The following ZNF385D variants were observed in gnomAD, a reference collection of about 807,000 sequenced individuals.
ZNF385D encodes the protein zinc finger protein 659.
Under a neutral mutation model 35.8 loss-of-function variants are expected in ZNF385D, and 15 were observed. The ratio of observed to expected loss-of-function variants is 0.42; its 90% confidence interval spans 0.28 to 0.64. The LOEUF (loss-of-function observed/expected upper bound fraction) is 0.64. ZNF385D is among the 30% of genes least tolerant of loss of function. The pLI, the probability that ZNF385D is intolerant of heterozygous loss-of-function variation, is 0.23. For missense variants in ZNF385D, 474 were observed against 494.6 expected (o/e 0.96, Z 0.39); for synonymous variants, 212 against 186.8 (o/e 1.13, Z -1.10).
At chr3:21,829,290 A>G (rs1009516158) in intron 3 of ZNF385D, among the ~76,000 whole-genome samples, 1 of 152,200 alleles carries the variant, frequency 6.6e-6, no homozygotes, top group African/African-American at 2.4e-5. Context: ...AGAGGTGGCC[A>G]GAAAAAGTCT....
At chr3:21,912,617 G>A (rs145893571) in intron 3 of ZNF385D, among the ~76,000 whole-genome samples, 26 of 152,142 alleles carry the variant, frequency 1.7e-4, no homozygotes, top group Non-Finnish European at 3.4e-4. Flanking sequence ...TTGTGCATCA[G>A]TAGGAAATAC....
chr3:22,113,412 C>G (rs755320475), intron 3 of ZNF385D, among the ~76,000 whole-genome samples: 1 of 151,908 alleles, frequency 6.6e-6, no homozygotes, highest in Non-Finnish European at 1.5e-5. Flanking sequence ...TTCATTTTTT[C>G]TTATTTAAGG....
rs148361398 is a variant in ZNF385D at position 22,019,713 on chromosome 3, A to G, written c.325+149104T>C. 5.6e-3 allele frequency among the ~76,000 whole-genome samples: 846 copies of G among 152,050 alleles called. 8 individuals are homozygous for G. Among genetic ancestry groups the G allele is most frequent in the African/African-American group, 0.019 (774 of 41,520 alleles). ...TGGTTAACCATTTTGGAGACTCTAC[A>G]TTTATGCTTAGATGTATGCCCTCTA... On this transcript the variant is annotated intron_variant, in intron 3 of 5. Transcript: ENST00000494108.
chr3:21,716,156 C>T (rs1218440569), intron 1 of ZNF385D, among the ~76,000 whole-genome samples: 2 of 152,168 alleles, frequency 1.3e-5, no homozygotes, highest in Non-Finnish European at 2.9e-5. Context: ...CACTCTTATA[C>T]GTGGCACCAT....
intron 4 of ZNF385D, among the ~76,000 whole-genome samples, chr3:21,494,871 C>T (rs1705706745): frequency 6.6e-6 from 1 of 152,224 alleles, no homozygotes; most frequent in Middle Eastern, 3.4e-3. Context: ...ATTACATACC[C>T]TTGACATTAA....
intron 3 of ZNF385D, among the ~76,000 whole-genome samples, chr3:21,537,075 AAAATT>A (rs1196160177): frequency 2.0e-5 from 3 of 152,058 alleles, no homozygotes; most frequent in Non-Finnish European, 4.4e-5. Flanking sequence ...TATAGCTTAA[AAAATT>A]AAAATCAATG....
At chr3:22,112,713 A>T (rs1702597287) in intron 3 of ZNF385D, among the ~76,000 whole-genome samples, 1 of 152,136 alleles carries the variant, frequency 6.6e-6, no homozygotes. Flanking sequence ...CTACACATAG[A>T]AGATGAAGAG....
At chr3:21,864,103 ATTCAGTTTGT>A (rs1452874699) in intron 3 of ZNF385D, among the ~76,000 whole-genome samples, 1 of 151,912 alleles carries the variant, frequency 6.6e-6, no homozygotes, top group Non-Finnish European at 1.5e-5. Context: ...ATAGTTGTGT[ATTCAGTTTGT>A]TTTTGTGTGT....
chr3:21,578,364 G>T (rs2063554890), intron 2 of ZNF385D, among the ~76,000 whole-genome samples: 1 of 151,946 alleles, frequency 6.6e-6, no homozygotes. Flanking sequence ...TGCCTTTGTT[G>T]ACTGTACTTT....
chr3:21,911,078 T>C (rs113201728), intron 3 of ZNF385D, among the ~76,000 whole-genome samples: 2 of 151,938 alleles, frequency 1.3e-5, no homozygotes, highest in Non-Finnish European at 2.9e-5. Flanking sequence ...TATCTATGTG[T>C]TTTTAAAATG....
chr3:21,652,156 G>A (rs912193257), intron 2 of ZNF385D, among the ~76,000 whole-genome samples: 3 of 152,240 alleles, frequency 2.0e-5, no homozygotes, highest in East Asian at 3.9e-4. Context: ...TTCAGGAGTA[G>A]GTTGCCAATC....
chr3:22,224,678 C>A (rs1173364966), intron 2 of ZNF385D, among the ~76,000 whole-genome samples: 1 of 152,132 alleles, frequency 6.6e-6, no homozygotes, highest in African/African-American at 2.4e-5. Context: ...CAGGTTATTG[C>A]AAGATCCAAC....
At chr3:21,785,239 T>C (rs1018820433) in intron 3 of ZNF385D, among the ~76,000 whole-genome samples, 13 of 152,194 alleles carry the variant, frequency 8.5e-5, no homozygotes, top group African/African-American at 1.2e-4. Flanking sequence ...TCTAGCTTTA[T>C]TGAGGAATAA....
chr3:21,845,667 C>T (rs1486537956), intron 3 of ZNF385D, among the ~76,000 whole-genome samples: 1 of 151,876 alleles, frequency 6.6e-6, no homozygotes, highest in Non-Finnish European at 1.5e-5. Context: ...CCTGAAGAAA[C>T]ACCCAAATAA....
At chr3:22,354,889 C>A (rs1297586154) in intron 2 of ZNF385D, among the ~76,000 whole-genome samples, 3 of 152,022 alleles carry the variant, frequency 2.0e-5, no homozygotes, top group Non-Finnish European at 4.4e-5. Context: ...AACCACATTT[C>A]AAATGCTCAA....
intron 2 of ZNF385D, among the ~76,000 whole-genome samples, chr3:22,223,389 G>T (rs748837373): frequency 6.6e-6 from 1 of 152,000 alleles, no homozygotes; most frequent in Non-Finnish European, 1.5e-5. Context: ...AATAATGTAG[G>T]CTCTGAAATG....
chr3:21,762,510 G>C (rs1575606132), intron 3 of ZNF385D, among the ~76,000 whole-genome samples: 1 of 152,084 alleles, frequency 6.6e-6, no homozygotes, highest in African/African-American at 2.4e-5. Flanking sequence ...CAAGACTAAT[G>C]CCCTTTATCA....
chr3:21,617,128 T>C (rs2064871396), intron 2 of ZNF385D, among the ~76,000 whole-genome samples: 3 of 152,200 alleles, frequency 2.0e-5, no homozygotes, highest in Non-Finnish European at 2.9e-5. Context: ...TTACAAGCCT[T>C]AATGTGTTAA....
intron 3 of ZNF385D, among the ~76,000 whole-genome samples, chr3:22,020,460 G>T (rs1024083324): frequency 1.3e-5 from 2 of 151,836 alleles, no homozygotes; most frequent in Non-Finnish European, 2.9e-5. Flanking sequence ...ACATAGATAA[G>T]GCTCTAAACA....
Sources: gnomAD v4.1 joint callset for allele counts (sites outside exome capture counted in the v4.1 genomes callset) on GRCh38, gnomAD v4.1.1 for gene constraint, MANE v1.5 for transcripts, NCBI Gene and HGNC (gene_info 2026-07-23, HGNC 2026-07-21) for gene names.